Variants in MARS1 observed in about 807,000 individuals in gnomAD.
The protein encoded by MARS1 is methionine--tRNA ligase, cytoplasmic.
MARS1 carries 80 observed loss-of-function variants against 119.5 expected under a neutral mutation model. The ratio of observed to expected loss-of-function variants is 0.67; its 90% CI spans 0.56 to 0.81. The LOEUF (loss-of-function observed/expected upper bound fraction) is 0.81. Among genes scored for constraint, MARS1 ranks in the 30% least tolerant of loss-of-function variants. The pLI is 0.00. For synonymous variants in MARS1, 418 were observed against 433.4 expected, an observed-to-expected ratio of 0.96 and a Z score of 0.44; for missense variants, 945 against 1,116.5, an observed-to-expected ratio of 0.85 and a Z score of 2.19.
chr12:57,491,369 C>T (rs146010468), intron 7 of MARS1, among the ~76,000 whole-genome samples: 4 of 152,156 alleles, frequency 2.6e-5, no homozygotes, highest in Non-Finnish European at 5.9e-5. Context: ...TATTTATTCA[C>T]CTGCCTTTGT....
intron 11 of MARS1, among the ~76,000 whole-genome samples, chr12:57,510,875 G>A (rs540063947): frequency 2.0e-5 from 3 of 152,222 alleles, no homozygotes; most frequent in South Asian, 4.2e-4. Flanking sequence ...AGGAGTTTGA[G>A]ACCAGGGTGG....
intron 11 of MARS1, among the ~76,000 whole-genome samples, chr12:57,504,993 C>T (rs547361735): frequency 5.9e-5 from 9 of 151,846 alleles, no homozygotes; most frequent in South Asian, 2.1e-4. Flanking sequence ...TGTGAGCCAC[C>T]GCACTGGGCC....
At chr12:57,495,182 C>A (rs1283965459) in intron 7 of MARS1, among the ~76,000 whole-genome samples, 1 of 149,694 alleles carries the variant, frequency 6.7e-6, no homozygotes, top group Non-Finnish European at 1.5e-5. Context: ...GGCTGCCCCC[C>A]ACCTCCCGGA....
At chr12:57,516,062 G>C (rs2140038884) in intron 19 of MARS1, 71 bp downstream of exon 19, 1 of 1,498,836 alleles carries the variant, frequency 6.7e-7, no homozygotes, top group Non-Finnish European at 9.3e-7. Context: ...TCCCTAAGTA[G>C]TCCTCACCCA....
At chr12:57,496,361 TTA>T (rs1305397009) in intron 7 of MARS1, among the ~76,000 whole-genome samples, 1 of 151,608 alleles carries the variant, frequency 6.6e-6, no homozygotes, top group Non-Finnish European at 1.5e-5. Flanking sequence ...AGACGGGGTT[TTA>T]CCATGTTGGC....
intron 11 of MARS1, among the ~76,000 whole-genome samples, chr12:57,507,932 T>A (rs1478200203): frequency 6.7e-6 from 1 of 149,060 alleles, no homozygotes; most frequent in Non-Finnish European, 1.5e-5. Flanking sequence ...GAGGGGCTCC[T>A]CACTTCTCAG....
intron 9 of MARS1, 23 bp downstream of exon 9, chr12:57,498,646 G>C: frequency 6.2e-7 from 1 of 1,606,872 alleles, no homozygotes. Flanking sequence ...TAATGAGGCA[G>C]AAATGGGGCT....
At chr12:57,508,678 G>GAGCGGT (rs1877359093) in intron 11 of MARS1, among the ~76,000 whole-genome samples, 3 of 145,346 alleles carry the variant, frequency 2.1e-5, no homozygotes, top group Non-Finnish European at 4.5e-5. Context: ...AGACCGTGGG[G>GAGCGGT]AGAGGTAGAG....
At chr12:57,506,385 T>TACC (rs1172294254) in intron 11 of MARS1, among the ~76,000 whole-genome samples, 1 of 152,224 alleles carries the variant, frequency 6.6e-6, no homozygotes, top group African/African-American at 2.4e-5. Context: ...GCCATGATTG[T>TACC]ACCACTGCAT....
chr12:57,490,706 C>A, intron 7 of MARS1, 62 bp downstream of exon 7: 1 of 1,392,648 alleles, frequency 7.2e-7, no homozygotes, highest in Non-Finnish European at 1.0e-6. Flanking sequence ...TTGATAGAGC[C>A]AGAACCTGCC....
At chr12:57,515,823 A>G (rs989503809) in intron 18 of MARS1, 97 bp from the exon 19 acceptor site, 5 of 895,904 alleles carry the variant, frequency 5.6e-6, no homozygotes, top group Admixed American at 2.2e-5. Context: ...GTTCTTTCTA[A>G]AACACATCAG....
intron 7 of MARS1, among the ~76,000 whole-genome samples, chr12:57,494,481 C>G (rs1393857300): frequency 1.3e-5 from 2 of 148,870 alleles, no homozygotes; most frequent in African/African-American, 4.9e-5. Flanking sequence ...GTGCCTGCCA[C>G]CACGCCTGGC....
chr12:57,506,907 T>G (rs1403863563), intron 11 of MARS1, among the ~76,000 whole-genome samples: 1 of 150,830 alleles, frequency 6.6e-6, no homozygotes, highest in African/African-American at 2.4e-5. Flanking sequence ...AGAGGGGGAT[T>G]TGGCAGGGTC....
At chr12:57,513,949 G>A (rs1877645528) in intron 15 of MARS1, among the ~76,000 whole-genome samples, 1 of 150,666 alleles carries the variant, frequency 6.6e-6, no homozygotes, top group Non-Finnish European at 1.5e-5. Context: ...TGTAATCCCA[G>A]CTACTCAAGA....
At position 57,515,203 on chromosome 12, in the gene MARS1, C is replaced by G; in HGVS notation, c.2258C>G (p.Ser753Cys). Residue 753 changes from serine (S) to cysteine (C), a missense_variant, in exon 18 of 21, where the codon TCT (serine) becomes TGT (cysteine). Coordinates refer to ENST00000262027, the MANE Select transcript of MARS1 (RefSeq NM_004990.4). The stretch of plus-strand genomic sequence containing the variant: ...GCAGTGAATATAGCTGCCTTGCTCT[C>G]TGTCATGCTTCAGCCTTACATGCCC... Reference protein sequence around the residue: ...GLAVNIAALLSVMLQPYMPTV... With the variant: ...GLAVNIAALLCVMLQPYMPTV... 3 of 1,614,234 alleles carry G rather than the reference C, an allele frequency of 1.9e-6. No homozygotes were observed. The highest frequency in any genetic ancestry group is 2.5e-6 in the Non-Finnish European group (3 of 1,180,048).
chr12:57,488,763 C>T, intron 1 of MARS1: 1 of 1,127,688 alleles, frequency 8.9e-7, no homozygotes, highest in Non-Finnish European at 1.3e-6. Flanking sequence ...TTGGCTGCAG[C>T]ACTATCCCAA....
At chr12:57,488,687 T>A (rs1875667585) in intron 1 of MARS1, 6 of 1,534,548 alleles carry the variant, frequency 3.9e-6, no homozygotes, top group Non-Finnish European at 5.3e-6. Context: ...TCTTTTAATT[T>A]TGTTCTCCCA....
At chr12:57,510,131 C>A (rs1241406546) in intron 11 of MARS1, among the ~76,000 whole-genome samples, 1 of 152,090 alleles carries the variant, frequency 6.6e-6, no homozygotes, top group Non-Finnish European at 1.5e-5. Context: ...TTTGCTTCAG[C>A]CTTCTGCGTA....
intron 7 of MARS1, among the ~76,000 whole-genome samples, chr12:57,495,868 C>G (rs1407970070): frequency 1.3e-5 from 2 of 152,290 alleles, no homozygotes; most frequent in South Asian, 4.1e-4. Flanking sequence ...GGTGTGGCGG[C>G]GCGCGCCTGC....
Sources: gnomAD v4.1 joint callset for allele counts (sites outside exome capture counted in the v4.1 genomes callset) on GRCh38, gnomAD v4.1.1 for gene constraint, MANE v1.5 for transcripts, NCBI Gene and HGNC (gene_info 2026-07-23, HGNC 2026-07-21) for gene names.